RFX3: variants seen among roughly 807,000 people sequenced by gnomAD.
The protein encoded by RFX3 is transcription factor RFX3.
RFX3 carries 14 observed loss-of-function variants against 98.6 expected under a neutral mutation model. The observed-to-expected ratio is 0.14, with a 90% CI of 0.09 to 0.22. The LOEUF is 0.22. Ranked by LOEUF, RFX3 falls within the 10% of genes least tolerant of loss-of-function variation. The pLI is 1.00. For synonymous variants in RFX3, 383 were observed against 328.4 expected (o/e 1.17, Z -1.80); for missense variants, 639 against 926.9 (o/e 0.69, Z 4.03).
At chr9:3,324,292 A>G (rs1831641161) in intron 4 of RFX3, among the ~76,000 whole-genome samples, 1 of 152,214 alleles carries the variant, frequency 6.6e-6, no homozygotes, top group Admixed American at 6.5e-5. Flanking sequence ...ATTTATGCAT[A>G]CTTCTAACTT....
At chr9:3,503,852 T>C (rs985051426) in intron 1 of RFX3, among the ~76,000 whole-genome samples, 1 of 152,040 alleles carries the variant, frequency 6.6e-6, no homozygotes, top group Non-Finnish European at 1.5e-5. Context: ...ATGCAAAGAT[T>C]CTGTCAAATT....
rs897384301 is a variant in RFX3 at position 3,347,727 on chromosome 9, G to A, written c.118-963C>T. ...TGTAATTCTAGCTGCTTGGGAGGCT[G>A]AGACAGGAGAATCACTTGAATCCAG... On this transcript the variant is annotated intron_variant, in intron 2 of 16. Coordinates refer to ENST00000617270, the MANE Select transcript of RFX3 (RefSeq NM_001282116.2). Among the ~76,000 whole-genome samples, 7 of 152,030 alleles carry A rather than the reference G, an allele frequency of 4.6e-5. No homozygotes were observed. In the East Asian group the frequency reaches 1.2e-3, roughly 25 times the overall value.
At chr9:3,379,038 C>A (rs933897274) in intron 2 of RFX3, among the ~76,000 whole-genome samples, 2 of 152,184 alleles carry the variant, frequency 1.3e-5, no homozygotes, top group Non-Finnish European at 2.9e-5. Flanking sequence ...GAAGGCAACT[C>A]AGTCATAACC....
chr9:3,439,419 G>A (rs189215490), intron 1 of RFX3, among the ~76,000 whole-genome samples: 5 of 152,042 alleles, frequency 3.3e-5, no homozygotes, highest in Admixed American at 3.3e-4. Context: ...TAAACCTCTA[G>A]ACAGACTGAT....
At chr9:3,314,979 A>G in intron 4 of RFX3, among the ~76,000 whole-genome samples, 1 of 152,208 alleles carries the variant, frequency 6.6e-6, no homozygotes. Flanking sequence ...ACAGAAAGTT[A>G]ACAAGGATAT....
chr9:3,436,086 C>T (rs1845098135), intron 1 of RFX3, among the ~76,000 whole-genome samples: 1 of 151,872 alleles, frequency 6.6e-6, no homozygotes, highest in Non-Finnish European at 1.5e-5. Flanking sequence ...TACATCTTTA[C>T]ACTAAAAAGT....
intron 5 of RFX3, among the ~76,000 whole-genome samples, chr9:3,297,664 A>G (rs1828153863): frequency 6.6e-6 from 1 of 152,012 alleles, no homozygotes. Context: ...TATATTTACA[A>G]TACAGCAAAG....
At chr9:3,516,206 G>A (rs1161765616) in intron 1 of RFX3, among the ~76,000 whole-genome samples, 5 of 151,654 alleles carry the variant, frequency 3.3e-5, no homozygotes, top group Non-Finnish European at 2.9e-5. Context: ...CCGCCACCAC[G>A]CCCAGCTAAT....
chr9:3,421,992 T>C (rs1843482312), intron 1 of RFX3, among the ~76,000 whole-genome samples: 1 of 133,878 alleles, frequency 7.5e-6, no homozygotes, highest in South Asian at 2.2e-4. Flanking sequence ...GTGTTGTAAG[T>C]GACTCTTCTA....
In RFX3 at chr9:3,504,497, G is replaced by A. The variant is rs1016333867; in HGVS notation, c.-9+21250C>T. On this transcript the variant is annotated intron_variant, in intron 1 of 16. Coordinates refer to ENST00000617270, the MANE Select transcript of RFX3 (RefSeq NM_001282116.2). ...ATTGTATATAAAATATATATTATAT[G>A]CCATATGGTATATATTGCATATAAA... Among the ~76,000 whole-genome samples the A allele has an allele frequency of 1.2e-3, 140 of 113,386 alleles. 3 individuals are homozygous for A. The highest frequency in any genetic ancestry group is 5.2e-3 in the African/African-American group (131 of 25,280). 74.4% of individuals were successfully genotyped at this position (113,386 alleles called of 152,430 possible). A position where few individuals can be genotyped will look rare whatever the true frequency, so the allele number is the denominator to read the frequency against.
At chr9:3,319,938 T>C (rs542240632) in intron 4 of RFX3, among the ~76,000 whole-genome samples, 1 of 151,914 alleles carries the variant, frequency 6.6e-6, no homozygotes, top group East Asian at 1.9e-4. Flanking sequence ...ACAGTAAGAA[T>C]GGCTCTAAAA....
intron 1 of RFX3, among the ~76,000 whole-genome samples, chr9:3,426,941 C>T (rs1016041053): frequency 6.6e-6 from 1 of 151,976 alleles, no homozygotes; most frequent in African/African-American, 2.4e-5. Flanking sequence ...TCCATAAAAC[C>T]GGTCCCTGGT....
intron 1 of RFX3, among the ~76,000 whole-genome samples, chr9:3,490,743 G>C (rs1850662940): frequency 1.3e-5 from 2 of 152,116 alleles, no homozygotes; most frequent in African/African-American, 4.8e-5. Flanking sequence ...ATTTCTTGTA[G>C]AGAAGCAAAA....
intron 1 of RFX3, among the ~76,000 whole-genome samples, chr9:3,481,694 G>C (rs934586560): frequency 6.6e-6 from 1 of 151,920 alleles, no homozygotes; most frequent in African/African-American, 2.4e-5. Flanking sequence ...AAGAGATCTT[G>C]AAATTTAAGA....
rs570778721 is a variant in RFX3, at chr9:3,235,698, C to A, written c.1969-6809G>T. On this transcript the variant is annotated intron_variant, in intron 15 of 16. Coordinates refer to ENST00000617270, the MANE Select transcript of RFX3 (RefSeq NM_001282116.2). ...CTTCCATTTTCAAAGCCAGTGATGT[C>A]AGGTTGAGTCTCACACATTGCGTCA... Among the ~76,000 whole-genome samples the A allele has an allele frequency of 8.5e-4, 130 of 152,250 alleles. 1 individual carries two copies. Among genetic ancestry groups the A allele is most frequent in the South Asian group, 4.8e-3 (23 of 4,810 alleles).
At chr9:3,345,331 G>T (rs1198315361) in intron 3 of RFX3, among the ~76,000 whole-genome samples, 1 of 152,150 alleles carries the variant, frequency 6.6e-6, no homozygotes, top group African/African-American at 2.4e-5. Flanking sequence ...GGGGAAAAAT[G>T]CACAAAATTG....
intron 1 of RFX3, among the ~76,000 whole-genome samples, chr9:3,505,116 T>C (rs1457002783): frequency 1.0e-5 from 1 of 99,182 alleles, no homozygotes; most frequent in African/African-American, 4.1e-5. Flanking sequence ...TTTTATATTT[T>C]ATTTTTATAT....
At chr9:3,226,444 T>C (rs1817782481) in intron 16 of RFX3, among the ~76,000 whole-genome samples, 1 of 152,198 alleles carries the variant, frequency 6.6e-6, no homozygotes, top group Non-Finnish European at 1.5e-5. Flanking sequence ...TATATGGCTG[T>C]ACAGTGTACA....
intron 2 of RFX3, among the ~76,000 whole-genome samples, chr9:3,387,270 T>C (rs1839822939): frequency 6.6e-6 from 1 of 152,186 alleles, no homozygotes; most frequent in South Asian, 2.1e-4. Context: ...AAATACCATG[T>C]CAAATTTTCT....
Sources: allele counts gnomAD v4.1 joint callset (sites outside exome capture counted in the v4.1 genomes callset), GRCh38; gene constraint gnomAD v4.1.1; transcripts MANE v1.5; gene names NCBI Gene and HGNC (gene_info 2026-07-23, HGNC 2026-07-21).